The following DIS3L2 variants were observed in gnomAD, a reference collection of about 807,000 sequenced individuals.
DIS3L2 encodes DIS3 like 3'-5' exoribonuclease 2.
In DIS3L2, 34 loss-of-function variants were observed where a neutral mutation model predicts 97.5. That is an observed-to-expected ratio of 0.35 (90% CI 0.27 to 0.46). The LOEUF is 0.46. DIS3L2 is among the 20% of genes least tolerant of loss of function. DIS3L2 has a pLI of 1.00. For synonymous variants in DIS3L2, 435 were observed against 445.2 expected (o/e 0.98, Z 0.29); for missense variants, 1,038 against 1,146.0 (o/e 0.91, Z 1.36).
At chr2:232,162,070 C>T (rs1281937197) in intron 8 of DIS3L2, among the ~76,000 whole-genome samples, 4 of 152,200 alleles carry the variant, frequency 2.6e-5, no homozygotes, top group Non-Finnish European at 1.5e-5. Flanking sequence ...TGCACCTGGT[C>T]CAAAATATTT....
intron 1 of DIS3L2, among the ~76,000 whole-genome samples, chr2:232,002,753 C>T (rs1693945614): frequency 1.3e-5 from 2 of 152,146 alleles, no homozygotes; most frequent in Admixed American, 1.3e-4. Flanking sequence ...TATCACCTGC[C>T]TCCCTTTCAC....
At chr2:232,081,977 A>C (rs1376062647) in intron 5 of DIS3L2, among the ~76,000 whole-genome samples, 1 of 152,190 alleles carries the variant, frequency 6.6e-6, no homozygotes, top group Non-Finnish European at 1.5e-5. Context: ...TTTGGTAGAG[A>C]CAGGGTTTCG....
chr2:232,117,901 C>T (rs1303261491), intron 6 of DIS3L2, among the ~76,000 whole-genome samples: 2 of 152,254 alleles, frequency 1.3e-5, no homozygotes, highest in South Asian at 4.1e-4. Flanking sequence ...TCAACCAACA[C>T]ATTTATTATC....
At chr2:232,323,860 G>A (rs11884775) in intron 14 of DIS3L2, among the ~76,000 whole-genome samples, 3 of 150,372 alleles carry the variant, frequency 2.0e-5, no homozygotes, top group African/African-American at 7.4e-5. Flanking sequence ...CCCCCTCCCC[G>A]ACCCAGGCAA....
intron 5 of DIS3L2, among the ~76,000 whole-genome samples, chr2:232,059,968 G>A (rs1022672470): frequency 2.0e-5 from 3 of 152,062 alleles, no homozygotes; most frequent in African/African-American, 7.2e-5. Context: ...TATCTTTCTG[G>A]TAGAACAATT....
rs747955751 is a variant in DIS3L2 at position 232,329,906 on chromosome 2, C to T, written c.1833C>T (p.Pro611=). Residue 611 remains proline, a synonymous_variant, in exon 15 of 21, where the codon CCC becomes CCT. Coordinates refer to ENST00000325385, the MANE Select transcript of DIS3L2 (RefSeq NM_152383.5). ...AGCAGGCCCTGCTGCGCCGGCACCCCCCGCCCCAAACAAGGATGCTCAGTG... is the reference window on the plus strand; with the variant it reads ...AGCAGGCCCTGCTGCGCCGGCACCCTCCGCCCCAAACAAGGATGCTCAGTG... ...FPEQALLRRH[P]PPQTRMLSDL... is the part of the protein sequence containing the mutation. 3.1e-6 allele frequency: 5 copies of T among 1,612,806 alleles called. No individual in the cohort carries two copies. The highest frequency in any genetic ancestry group is 4.2e-6 in the Non-Finnish European group (5 of 1,179,780).
At chr2:232,271,755 G>C (rs1483436859) in intron 13 of DIS3L2, among the ~76,000 whole-genome samples, 4 of 152,208 alleles carry the variant, frequency 2.6e-5, no homozygotes, top group Non-Finnish European at 5.9e-5. Context: ...GAAGCAGTGA[G>C]GGGTGGAACA....
At chr2:231,976,121 G>C (rs1693083656) in intron 1 of DIS3L2, among the ~76,000 whole-genome samples, 1 of 152,112 alleles carries the variant, frequency 6.6e-6, no homozygotes, top group Non-Finnish European at 1.5e-5. Flanking sequence ...GGTACAAGAG[G>C]CTTTCTTTAC....
At chr2:232,134,152 A>G (rs538852500) in intron 7 of DIS3L2, among the ~76,000 whole-genome samples, 16 of 152,256 alleles carry the variant, frequency 1.1e-4, no homozygotes, top group African/African-American at 3.6e-4. Flanking sequence ...TTGAACAAAG[A>G]AAGTATAGAC....
intron 1 of DIS3L2, among the ~76,000 whole-genome samples, chr2:231,967,891 T>C (rs1443161826): frequency 6.6e-6 from 1 of 152,186 alleles, no homozygotes; most frequent in Non-Finnish European, 1.5e-5. Flanking sequence ...TTTTTTGATT[T>C]ATTTAAAAAA....
chr2:232,018,204 T>C (rs373898287), intron 3 of DIS3L2, among the ~76,000 whole-genome samples: 2 of 152,312 alleles, frequency 1.3e-5, no homozygotes, highest in South Asian at 2.1e-4. Context: ...TGCAGTGATA[T>C]TAGCTTCAGC....
intron 12 of DIS3L2, among the ~76,000 whole-genome samples, chr2:232,252,639 G>A (rs1368804555): frequency 6.6e-6 from 1 of 152,168 alleles, no homozygotes; most frequent in Non-Finnish European, 1.5e-5. Context: ...AGTGGCTCAC[G>A]CCTGTAGTCC....
chr2:232,010,717 A>G (rs922696944), intron 1 of DIS3L2, among the ~76,000 whole-genome samples: 4 of 152,212 alleles, frequency 2.6e-5, no homozygotes, highest in Non-Finnish European at 5.9e-5. Flanking sequence ...AGTGAGATGC[A>G]TAAGGCACAA....
At chr2:232,040,050 G>C (rs1029039288) in intron 5 of DIS3L2, among the ~76,000 whole-genome samples, 1 of 152,086 alleles carries the variant, frequency 6.6e-6, no homozygotes, top group African/African-American at 2.4e-5. Flanking sequence ...ATTATGGTAC[G>C]GTTTGCAGGA....
At position 232,342,194 on chromosome 2, in the gene DIS3L2, TAC is replaced by T. The variant is rs528982267; in HGVS notation, c.1582-1147_1582-1146del. ...ACACATATATACACGTATACATATA[TAC>T]ACATACATATATACACATATATACA... On this transcript the variant is annotated intron_variant, in intron 13 of 13. Transcript: ENST00000273009. Among the ~76,000 whole-genome samples, 1,010 of 146,590 alleles carry T rather than the reference TAC, an allele frequency of 6.9e-3. 11 individuals carry two copies. The highest frequency in any genetic ancestry group is 0.026 in the African/African-American group (953 of 37,156).
chr2:232,336,675 C>G lies in DIS3L2; in HGVS notation c.*45C>G, dbSNP rs1259001427. 6.3e-7 allele frequency: 1 copy of G among 1,575,820 alleles called. No individual in the cohort carries two copies. The highest frequency in any genetic ancestry group is 8.6e-7 in the Non-Finnish European group (1 of 1,165,572). On this transcript the variant is annotated 3_prime_UTR_variant, in exon 21 of 21. Transcript: ENST00000325385. ...CCGCCTGCCCCGCCTGCCTGTCCCG[C>G]CACACTGGCTTTAGGACCTGTTGAC...
chr2:232,011,075 T>G (rs1694184290), intron 1 of DIS3L2, among the ~76,000 whole-genome samples: 2 of 152,214 alleles, frequency 1.3e-5, no homozygotes, highest in South Asian at 4.1e-4. Flanking sequence ...CCTGCCTTCT[T>G]GTACCATGTG....
rs1010179820 is a variant in DIS3L2, at chr2:232,268,072, G to T, written c.1659+4632G>T. ...GAGGGCTTCCATGTAAAATAAGCAT[G>T]AGGTTTGCAGGAAGCTGTGCACCAT... On this transcript the variant is annotated intron_variant, in intron 13 of 20. Transcript: ENST00000325385. The surrounding 1 kb of genome is among the most constrained non-coding windows in gnomAD (Gnocchi z 4.1). Among the ~76,000 whole-genome samples the T allele has an allele frequency of 1.3e-5, 2 of 152,218 alleles. No individual in the cohort carries two copies. The highest frequency in any genetic ancestry group is 6.5e-5 in the Admixed American group (1 of 15,290).
intron 13 of DIS3L2, among the ~76,000 whole-genome samples, chr2:232,287,398 C>G (rs866652602): frequency 7.7e-4 from 53 of 69,100 alleles, no homozygotes; most frequent in Non-Finnish European, 1.2e-3. Context: ...GCCCCCCCCC[C>G]CCCCCGCTTT....
Sources: allele counts gnomAD v4.1 joint callset (sites outside exome capture counted in the v4.1 genomes callset), GRCh38; gene constraint gnomAD v4.1.1; non-coding constraint Gnocchi (gnomAD v3.1); transcripts MANE v1.5; gene names NCBI Gene and HGNC (gene_info 2026-07-23, HGNC 2026-07-21).